SPTBN1: variants seen among roughly 807,000 people sequenced by gnomAD.
SPTBN1 encodes the protein spectrin beta, non-erythrocytic 1.
SPTBN1 carries 32 observed loss-of-function variants against 266.4 expected under a neutral mutation model. The observed-to-expected ratio is 0.12, with a 90% CI of 0.09 to 0.16. SPTBN1 has a LOEUF of 0.16. Ranked by LOEUF, SPTBN1 falls within the 10% of genes least tolerant of loss-of-function variation. The pLI, the probability that SPTBN1 is intolerant of heterozygous loss-of-function variation, is 1.00. For synonymous variants in SPTBN1, 1,336 were observed against 1,162.2 expected (o/e 1.15, Z -3.04); for missense variants, 2,296 against 3,067.1 (o/e 0.75, Z 5.94).
rs1423234892 is a variant in SPTBN1 at position 54,664,934 on chromosome 2, T to C, written c.6659+243T>C. On this transcript the variant is annotated intron_variant, in intron 33 of 35. Transcript: ENST00000356805. This position sits in a 1 kb window ranked among gnomAD's most constrained non-coding sequence, Gnocchi z 5.6. ...CTAGAAGGGGCTTTAGTAGTTCATCTAGAGAAGGAATTTGCTAGATTGAGA... is the reference window on the plus strand; with the variant it reads ...CTAGAAGGGGCTTTAGTAGTTCATCCAGAGAAGGAATTTGCTAGATTGAGA... 2.0e-6 allele frequency: 1 copy of C among 493,528 alleles called. No homozygotes were observed. The highest frequency in any genetic ancestry group is 2.7e-5 in the South Asian group (1 of 37,066). 30.6% of individuals were successfully genotyped at this position (493,528 alleles called of 1,614,324 possible).
intron 1 of SPTBN1, among the ~76,000 whole-genome samples, chr2:54,497,919 C>G (rs1224543111): frequency 1.3e-5 from 2 of 152,132 alleles, no homozygotes; most frequent in Non-Finnish European, 2.9e-5. Context: ...CAGCCGGAGA[C>G]CATCTCTACA....
Position 54,593,823 on chromosome 2 carries a change from C to CTTTTTTTTTTTTTTTT in SPTBN1, c.149-5257_149-5242dup, listed in dbSNP as rs374877354. Among the ~76,000 whole-genome samples, 2 of 64,794 alleles carry CTTTTTTTTTTTTTTTT rather than the reference C, an allele frequency of 3.1e-5. 1 individual carries two copies. The highest frequency in any genetic ancestry group is 5.4e-5 in the Non-Finnish European group (2 of 37,274). The allele number at this position is 64,794 out of a possible 152,430, so 42.5% of individuals were successfully genotyped here. A position where few individuals can be genotyped will look rare whatever the true frequency, so the allele number is the denominator to read the frequency against. On this transcript the variant is annotated intron_variant, in intron 2 of 35. Coordinates refer to ENST00000356805, the MANE Select transcript of SPTBN1 (RefSeq NM_003128.3). Reference sequence around the variant, plus strand: ...TTCTAAGTCTTGTATCATGGAAACACTTTTTTTTTTTTTTTTTTTTTTTTT... The same window carrying CTTTTTTTTTTTTTTTT: ...TTCTAAGTCTTGTATCATGGAAACACTTTTTTTTTTTTTTTTTTTTTTTTTTTTTTTTTTTTTTTTT...
intron 1 of SPTBN1, among the ~76,000 whole-genome samples, chr2:54,465,867 A>T (rs915160667): frequency 6.6e-6 from 1 of 152,024 alleles, no homozygotes; most frequent in Non-Finnish European, 1.5e-5. Context: ...TTATGGTCCA[A>T]GTCTCTAAGT....
chr2:54,664,355 G>A lies in SPTBN1; in HGVS notation c.6421-98G>A. The A allele has an allele frequency of 8.0e-7, 1 of 1,244,206 alleles. No homozygotes were observed. The highest frequency in any genetic ancestry group is 1.1e-6 in the Non-Finnish European group (1 of 875,160). 77.1% of individuals were successfully genotyped at this position (1,244,206 alleles called of 1,614,324 possible). ...TACTGTACTGCCTCGATCTGTGCCAGGCATTTATACACAGCCACATGTGCG... is the reference window on the plus strand; with the variant it reads ...TACTGTACTGCCTCGATCTGTGCCAAGCATTTATACACAGCCACATGTGCG... On this transcript the variant is annotated intron_variant, in intron 32 of 35. Coordinates refer to ENST00000356805, the MANE Select transcript of SPTBN1 (RefSeq NM_003128.3). The surrounding 1 kb of genome is among the most constrained non-coding windows in gnomAD (Gnocchi z 5.6).
At chr2:54,520,058 A>G (rs1409802213) in intron 1 of SPTBN1, among the ~76,000 whole-genome samples, 2 of 152,308 alleles carry the variant, frequency 1.3e-5, no homozygotes, top group Middle Eastern at 3.4e-3. Context: ...AGCTGTCAGC[A>G]CCGGGTAACC....
intron 1 of SPTBN1, among the ~76,000 whole-genome samples, chr2:54,489,175 AC>A (rs1288576706): frequency 3.7e-5 from 5 of 133,600 alleles, no homozygotes; most frequent in African/African-American, 1.5e-4. Flanking sequence ...AAAAAAAAAA[AC>A]CAGGCATGGT....
rs555858937 is a variant in SPTBN1, at chr2:54,465,118, C to T, written c.-48+8600C>T. ...TATTAAGAAATAGTTTTAAATCCAG[C>T]GATTGTTATATCTGTCCTTCTTTGC... On this transcript the variant is annotated intron_variant, in intron 1 of 35. Transcript: ENST00000356805. Among the ~76,000 whole-genome samples the T allele has an allele frequency of 7.9e-5, 12 of 152,256 alleles. No individual in the cohort carries two copies. In the South Asian group the frequency reaches 8.3e-4, roughly 11 times the overall value.
At chr2:54,549,684 G>A (rs1558828872) in intron 2 of SPTBN1, among the ~76,000 whole-genome samples, 1 of 152,210 alleles carries the variant, frequency 6.6e-6, no homozygotes, top group Non-Finnish European at 1.5e-5. Context: ...TGACAGTGCT[G>A]GTGTAGAGTT....
chr2:54,607,812 C>G (rs1288880282), intron 3 of SPTBN1, among the ~76,000 whole-genome samples: 1 of 152,110 alleles, frequency 6.6e-6, no homozygotes. Context: ...TGTGGTAGGC[C>G]TCTGCACATA....
At chr2:54,570,964 A>C (rs2104520264) in intron 2 of SPTBN1, among the ~76,000 whole-genome samples, 1 of 151,878 alleles carries the variant, frequency 6.6e-6, no homozygotes, top group East Asian at 2.0e-4. Context: ...GTGCTTGAAA[A>C]TGGTGCCCTG....
At chr2:54,471,867 T>C (rs1168368963) in intron 1 of SPTBN1, among the ~76,000 whole-genome samples, 3 of 141,254 alleles carry the variant, frequency 2.1e-5, no homozygotes, top group Non-Finnish European at 4.5e-5. Flanking sequence ...GAAGAAGATA[T>C]AATTCTCTGT....
At chr2:54,562,696 T>TTGTGTGTTTG (rs1553447727) in intron 2 of SPTBN1, among the ~76,000 whole-genome samples, 2 of 122,598 alleles carry the variant, frequency 1.6e-5, no homozygotes, top group African/African-American at 7.1e-5. Context: ...AAACCCTGCT[T>TTGTGTGTTTG]TGTGTGTGTG....
chr2:54,601,648 A>C (rs894855600), intron 3 of SPTBN1, among the ~76,000 whole-genome samples: 4 of 152,098 alleles, frequency 2.6e-5, no homozygotes, highest in African/African-American at 9.7e-5. Flanking sequence ...AAATGTTTGC[A>C]CTCTATCTGG....
At chr2:54,657,785 G>A (rs767138078) in intron 29 of SPTBN1, 65 bp from the exon 30 acceptor site, 12 of 1,600,226 alleles carry the variant, frequency 7.5e-6, no homozygotes, top group Middle Eastern at 1.9e-4. Context: ...GTGCCAAGAG[G>A]TAAGGCCATA....
At chr2:54,524,911 A>ATC (rs1322343266) in intron 1 of SPTBN1, among the ~76,000 whole-genome samples, 4 of 152,056 alleles carry the variant, frequency 2.6e-5, no homozygotes, top group Admixed American at 2.6e-4. Flanking sequence ...GCCTTCCCTG[A>ATC]TCACCAGATC....
In SPTBN1 at chr2:54,595,021, A is replaced by G. The variant is rs528238012; in HGVS notation, c.149-4071A>G. ...GGCTAATTTTGTATTTTTAGTAGAG[A>G]CAGAGTTTCACCATGTTGGTCAGGC... is the stretch of plus-strand genomic sequence containing the variant. On this transcript the variant is annotated intron_variant, in intron 2 of 35. Coordinates refer to ENST00000356805, the MANE Select transcript of SPTBN1 (RefSeq NM_003128.3). Among the ~76,000 whole-genome samples the G allele has an allele frequency of 2.0e-5, 3 of 151,898 alleles. No individual in the cohort carries two copies. In the East Asian group the frequency reaches 5.8e-4, roughly 29 times the overall value.
chr2:54,495,295 C>G (rs1668907869), intron 1 of SPTBN1, among the ~76,000 whole-genome samples: 1 of 152,080 alleles, frequency 6.6e-6, no homozygotes, highest in South Asian at 2.1e-4. Context: ...TCGGCTTTGC[C>G]CACTCTGGGA....
At chr2:54,494,397 C>G (rs1458609702) in intron 1 of SPTBN1, among the ~76,000 whole-genome samples, 2 of 151,900 alleles carry the variant, frequency 1.3e-5, no homozygotes, top group Non-Finnish European at 2.9e-5. Flanking sequence ...CTAGAGATAC[C>G]TAGGAATGAA....
At chr2:54,591,515 C>T (rs1262869234) in intron 2 of SPTBN1, among the ~76,000 whole-genome samples, 1 of 152,192 alleles carries the variant, frequency 6.6e-6, no homozygotes, top group Non-Finnish European at 1.5e-5. Flanking sequence ...GTTCAGACTA[C>T]TTGAAAAGTA....
Sources: allele counts gnomAD v4.1 joint callset (sites outside exome capture counted in the v4.1 genomes callset), GRCh38; gene constraint gnomAD v4.1.1; non-coding constraint Gnocchi (gnomAD v3.1); transcripts MANE v1.5; gene names NCBI Gene and HGNC (gene_info 2026-07-23, HGNC 2026-07-21).